The following PARD3B variants were observed in gnomAD, a reference collection of about 807,000 sequenced individuals.
The protein encoded by PARD3B is partitioning defective 3 homolog B.
PARD3B carries 103 observed loss-of-function variants against 130.2 expected under a neutral mutation model. The observed-to-expected ratio is 0.79, with a 90% CI of 0.67 to 0.93. The LOEUF (loss-of-function observed/expected upper bound fraction) is 0.93. Among genes scored for constraint, PARD3B ranks in the 40% least tolerant of loss-of-function variants. The pLI is 0.00. For synonymous variants in PARD3B, 583 were observed against 553.2 expected (o/e 1.05, Z -0.76); for missense variants, 1,609 against 1,499.2 (o/e 1.07, Z -1.21).
At chr2:205,053,371 CT>C (rs148264637) in intron 4 of PARD3B, among the ~76,000 whole-genome samples, 34,505 of 151,910 alleles carry the variant, frequency 0.23, 4,434 homozygotes, top group South Asian at 0.46. Context: ...GGTACAGTGG[CT>C]CATGCCTGTA....
Position 205,535,165 on chromosome 2 carries a change from C to G in PARD3B, c.3181-18159C>G, listed in dbSNP as rs189690627. On this transcript the variant is annotated intron_variant, in intron 21 of 22. Transcript: ENST00000406610. ...AGAGGATACCATGGCTTATTCCCAC[C>G]TGCGAACTCTGCATGAATGGAAAGA... 5.9e-5 allele frequency among the ~76,000 whole-genome samples: 9 copies of G among 152,282 alleles called. No homozygotes were observed. The East Asian group carries it at 1.7e-3, about 29-fold the overall frequency.
intron 2 of PARD3B, 130 bp downstream of exon 2, chr2:204,686,412 G>A: frequency 1.5e-6 from 1 of 684,080 alleles, no homozygotes; most frequent in Non-Finnish European, 2.5e-6. Context: ...GTTTCACCTG[G>A]ACAGCCCATA....
rs1437689579 is a variant in PARD3B, at chr2:204,570,831, TAA to T, written c.120+24713_120+24714del. ...TATAAGCTGTTGTAACTGAGGTGTA[TAA>T]GCTGTTGCAACTGAGGTGTATAAGC... is the stretch of plus-strand genomic sequence containing the variant. On this transcript the variant is annotated intron_variant, in intron 1 of 22. Coordinates refer to ENST00000406610, the MANE Select transcript of PARD3B (RefSeq NM_001302769.2). Among the ~76,000 whole-genome samples the T allele has an allele frequency of 4.0e-5, 6 of 150,204 alleles. 2 individuals are homozygous for T. The highest frequency in any genetic ancestry group is 3.9e-4 in the East Asian group (2 of 5,078).
intron 3 of PARD3B, among the ~76,000 whole-genome samples, chr2:205,041,641 C>T (rs983090948): frequency 6.6e-6 from 1 of 151,958 alleles, no homozygotes; most frequent in Non-Finnish European, 1.5e-5. Context: ...GAGAGCTGTC[C>T]AGGTGTCAGT....
chr2:205,553,035 GA>G (rs1162560481), intron 21 of PARD3B, among the ~76,000 whole-genome samples: 3 of 152,066 alleles, frequency 2.0e-5, no homozygotes, highest in Admixed American at 1.3e-4. Flanking sequence ...AGAAGAAGAA[GA>G]AGAAGAAGAA....
intron 3 of PARD3B, among the ~76,000 whole-genome samples, chr2:204,971,985 T>C (rs993619040): frequency 2.6e-5 from 4 of 152,078 alleles, no homozygotes; most frequent in African/African-American, 9.7e-5. Flanking sequence ...GATTTTGTTT[T>C]CAGAGTAGTG....
intron 2 of PARD3B, among the ~76,000 whole-genome samples, chr2:204,708,796 T>G (rs13412778): frequency 0.02 from 3,038 of 152,300 alleles, 81 homozygotes; most frequent in African/African-American, 0.069. Context: ...CCACAAAGTC[T>G]TTTCCTGGTG....
chr2:205,028,819 C>A (rs186240442), intron 3 of PARD3B, among the ~76,000 whole-genome samples: 3 of 152,210 alleles, frequency 2.0e-5, no homozygotes, highest in Admixed American at 2.0e-4. Context: ...ATTCAGTAAT[C>A]AATTCAGTAA....
intron 20 of PARD3B, among the ~76,000 whole-genome samples, chr2:205,475,465 T>C (rs1199740618): frequency 6.6e-6 from 1 of 152,210 alleles, no homozygotes; most frequent in Non-Finnish European, 1.5e-5. Context: ...AATGAAACTA[T>C]AAATTTTGAA....
intron 20 of PARD3B, among the ~76,000 whole-genome samples, chr2:205,489,500 T>TATATATACATATATATACAC (rs1559141226): frequency 1.4e-5 from 2 of 139,402 alleles, no homozygotes; most frequent in African/African-American, 2.7e-5. Flanking sequence ...TATGTGTGTA[T>TATATATACATATATATACAC]ATATATATAC....
At chr2:205,582,219 G>A (rs1264590323) in intron 22 of PARD3B, among the ~76,000 whole-genome samples, 1 of 152,080 alleles carries the variant, frequency 6.6e-6, no homozygotes, top group Non-Finnish European at 1.5e-5. Flanking sequence ...GGTTGCTGTG[G>A]GACATCGGCT....
intron 13 of PARD3B, among the ~76,000 whole-genome samples, chr2:205,179,955 T>A (rs370649920): frequency 1.2e-4 from 19 of 152,138 alleles, no homozygotes; most frequent in African/African-American, 3.9e-4. Context: ...ATATCTTCTG[T>A]ACAAATAGAG....
rs1165267127 is a variant in PARD3B, at chr2:205,421,845, CT to C, written c.2742-18524del. Among the ~76,000 whole-genome samples, 1 of 152,152 alleles carries C rather than the reference CT, an allele frequency of 6.6e-6. No homozygotes were observed. The highest frequency in any genetic ancestry group is 1.5e-5 in the Non-Finnish European group (1 of 68,036). On this transcript the variant is annotated intron_variant, in intron 19 of 22. Coordinates refer to ENST00000406610, the MANE Select transcript of PARD3B (RefSeq NM_001302769.2). This position sits in a 1 kb window ranked among gnomAD's most constrained non-coding sequence, Gnocchi z 5.1. Reference sequence around the variant, plus strand: ...CTATGTTCCTGGCTCATGGCTCCTTCTGCCATTTTTAAAGTGCATCTCTCCA... The same window carrying C: ...CTATGTTCCTGGCTCATGGCTCCTTCGCCATTTTTAAAGTGCATCTCTCCA...
chr2:205,026,472 T>G (rs1221690697), intron 3 of PARD3B, among the ~76,000 whole-genome samples: 2 of 152,224 alleles, frequency 1.3e-5, no homozygotes, highest in Admixed American at 6.5e-5. Context: ...TGTGTACTTA[T>G]TACCACAATC....
intron 10 of PARD3B, among the ~76,000 whole-genome samples, chr2:205,155,123 A>T (rs769247679): frequency 1.2e-4 from 18 of 151,968 alleles, no homozygotes; most frequent in Non-Finnish European, 2.5e-4. Flanking sequence ...ACCCACACAG[A>T]TGCTAGTTCT....
intron 1 of PARD3B, among the ~76,000 whole-genome samples, chr2:204,641,313 G>A (rs191934653): frequency 0.016 from 2,367 of 151,712 alleles, 25 homozygotes; most frequent in Non-Finnish European, 0.023. Flanking sequence ...ACAATTTAGT[G>A]AAAATGTAAA....
chr2:205,619,356 GT>G lies in PARD3B; in HGVS notation c.*3546del, dbSNP rs2055530165. On this transcript the variant is annotated 3_prime_UTR_variant, in exon 23 of 23. Transcript: ENST00000406610. Reference sequence around the variant, plus strand: ...TCAGGAGGGTCGAGAGATCTAAAGAGTTTGGTCTGAATGTGTGTCTGTACAA... The same window carrying G: ...TCAGGAGGGTCGAGAGATCTAAAGAGTTGGTCTGAATGTGTGTCTGTACAA... The G allele has an allele frequency of 6.6e-6, 1 of 152,242 alleles. No homozygotes were observed. The highest frequency in any genetic ancestry group is 2.4e-5 in the African/African-American group (1 of 41,464). The allele number at this position is 152,242 out of a possible 1,614,324, so 9.4% of individuals were successfully genotyped here.
chr2:205,159,301 A>C lies in PARD3B; in HGVS notation c.1620+394A>C, dbSNP rs904738241. On this transcript the variant is annotated intron_variant, in intron 11 of 22. Transcript: ENST00000406610. ...GTTGTGCTTGCAAGAATGAAAGCTC[A>C]GTGGAGCCTGAGAGTGATTGTAGTA... Among the ~76,000 whole-genome samples the C allele has an allele frequency of 3.9e-5, 6 of 152,370 alleles. 1 individual carries two copies. The highest frequency in any genetic ancestry group is 1.4e-4 in the African/African-American group (6 of 41,600).
At chr2:205,013,155 G>T (rs1349945334) in intron 3 of PARD3B, among the ~76,000 whole-genome samples, 1 of 152,092 alleles carries the variant, frequency 6.6e-6, no homozygotes, top group Non-Finnish European at 1.5e-5. Context: ...ACTTTTACTT[G>T]GTCCGGTGAC....
Sources: allele counts gnomAD v4.1 joint callset (sites outside exome capture counted in the v4.1 genomes callset), GRCh38; gene constraint gnomAD v4.1.1; non-coding constraint Gnocchi (gnomAD v3.1); transcripts MANE v1.5; gene names NCBI Gene and HGNC (gene_info 2026-07-23, HGNC 2026-07-21).